The following PHEX variants were observed in gnomAD, a reference collection of about 807,000 sequenced individuals.
PHEX encodes the protein phosphate regulating endopeptidase X-linked, also known as phosphate-regulating neutral endopeptidase PHEX.
PHEX carries 16 observed loss-of-function variants against 68.0 expected under a neutral mutation model. The observed-to-expected ratio is 0.24, with a 90% CI of 0.16 to 0.36. The LOEUF is 0.36. PHEX is among the 10% of genes least tolerant of loss of function. The pLI, the probability that PHEX is intolerant of heterozygous loss-of-function variation, is 1.00. For missense variants in PHEX, 480 were observed against 575.5 expected, an observed-to-expected ratio of 0.83 and a Z score of 1.70; for synonymous variants, 208 against 205.1, an observed-to-expected ratio of 1.01 and a Z score of -0.12.
rs139556203 is a variant in PHEX at position 22,216,668 on chromosome X, C to T, written c.1701-2368C>T. 7.7e-3 allele frequency among the ~76,000 whole-genome samples: 809 copies of T among 105,712 alleles called. 2 individuals carry two copies. The highest frequency in any genetic ancestry group is 0.013 in the Non-Finnish European group (672 of 51,728). The allele number at this position is 105,712 out of a possible 115,157, so 91.8% of individuals were successfully genotyped here. On this transcript the variant is annotated intron_variant, in intron 16 of 21. Coordinates refer to ENST00000379374, the MANE Select transcript of PHEX (RefSeq NM_000444.6). Reference sequence around the variant, plus strand: ...CCAAGTAGCTGGGATTACAGGCATGCGCCACCATGCCTGGCTAATTTTGTA... The same window carrying T: ...CCAAGTAGCTGGGATTACAGGCATGTGCCACCATGCCTGGCTAATTTTGTA...
chrX:22,074,941 G>A (rs1273444063), intron 3 of PHEX, among the ~76,000 whole-genome samples: 1 of 109,845 alleles, frequency 9.1e-6, no homozygotes, highest in African/African-American at 3.3e-5. Flanking sequence ...GCCGAGTGTG[G>A]TGGTGTGCAC....
intron 2 of PHEX, among the ~76,000 whole-genome samples, chrX:22,042,464 T>A (rs185035565): frequency 3.7e-4 from 41 of 112,121 alleles, no homozygotes; most frequent in South Asian, 7.4e-4. Flanking sequence ...TAACAGGTTT[T>A]ACTTATACTA....
chrX:22,081,333 A>G (rs377358245), intron 5 of PHEX, among the ~76,000 whole-genome samples: 6 of 111,068 alleles, frequency 5.4e-5, no homozygotes, highest in African/African-American at 2.0e-4. Flanking sequence ...TCCTTCTCAG[A>G]TCCTGCCATG....
chrX:22,113,954 T>C, intron 10 of PHEX, among the ~76,000 whole-genome samples: 1 of 96,678 alleles, frequency 1.0e-5, no homozygotes, highest in African/African-American at 3.8e-5. Flanking sequence ...TTTTTTTTTT[T>C]TTTTTTTTTT....
At chrX:22,200,516 C>T (rs767508659) in intron 15 of PHEX, among the ~76,000 whole-genome samples, 26 of 110,731 alleles carry the variant, frequency 2.3e-4, no homozygotes, top group Non-Finnish European at 4.2e-4. Flanking sequence ...GGCTGAGGCA[C>T]GAGAATCACT....
intron 12 of PHEX, among the ~76,000 whole-genome samples, chrX:22,138,419 G>T (rs907049079): frequency 8.9e-6 from 1 of 112,638 alleles, no homozygotes; most frequent in South Asian, 3.7e-4. Context: ...GGCCATGGAT[G>T]CAGGGCAGAC....
chrX:22,246,349 TC>T (rs1936392099), intron 21 of PHEX, among the ~76,000 whole-genome samples: 1 of 111,848 alleles, frequency 8.9e-6, no homozygotes, highest in African/African-American at 3.2e-5. Context: ...TTTAAACAGA[TC>T]CATTAGCATA....
intron 12 of PHEX, among the ~76,000 whole-genome samples, chrX:22,145,421 G>C (rs1255969322): frequency 9.0e-6 from 1 of 111,515 alleles, no homozygotes; most frequent in African/African-American, 3.3e-5. Flanking sequence ...GACCAGACCA[G>C]CCTGGCCGAC....
intron 15 of PHEX, among the ~76,000 whole-genome samples, chrX:22,206,049 T>C (rs968344): frequency 0.15 from 16,792 of 111,624 alleles, 1,566 homozygotes; most frequent in African/African-American, 0.35. Context: ...CTTGTTAATA[T>C]CTGTATTGTG....
rs746436151 is a variant in PHEX, at chrX:22,096,965, C to T, written c.860C>T (p.Pro287Leu). ...LEIKIAEIMI[P>L]HENRTSEAMY... The stretch of plus-strand genomic sequence containing the variant: ...ATCTCTTTTCAACAGATAATGATTC[C>T]ACATGAAAACCGAACCAGCGAGGCC... Residue 287 changes from proline (P) to leucine (L), a missense_variant, in exon 8 of 22, where the codon CCA (proline) becomes CTA (leucine). By Grantham distance (98) the Pro-to-Leu change is moderately conservative. Coordinates refer to ENST00000379374, the MANE Select transcript of PHEX (RefSeq NM_000444.6). The T allele has an allele frequency of 2.0e-5, 24 of 1,194,667 alleles. No individual in the cohort carries two copies. The highest frequency in any genetic ancestry group is 2.7e-5 in the Non-Finnish European group (24 of 881,783).
chrX:22,098,967 C>A (rs371953854), intron 8 of PHEX, 39 bp from the exon 9 acceptor site: 1 of 1,188,205 alleles, frequency 8.4e-7, no homozygotes, highest in East Asian at 3.0e-5. Flanking sequence ...GCTACCTAAC[C>A]GAGATTCTCT....
chrX:22,046,639 C>G (rs1927544793), intron 2 of PHEX, among the ~76,000 whole-genome samples: 1 of 105,027 alleles, frequency 9.5e-6, no homozygotes, highest in South Asian at 4.5e-4. Context: ...GCGATCTCAG[C>G]TCACTGCAAC....
At chrX:22,195,455 C>G (rs936563572) in intron 15 of PHEX, among the ~76,000 whole-genome samples, 13 of 109,981 alleles carry the variant, frequency 1.2e-4, no homozygotes, top group Non-Finnish European at 1.9e-5. Context: ...ATTAGCCAGG[C>G]TTGGTGGCAG....
chrX:22,199,286 CAG>C (rs1472217530), intron 15 of PHEX, among the ~76,000 whole-genome samples: 3 of 111,216 alleles, frequency 2.7e-5, no homozygotes, highest in East Asian at 5.6e-4. Flanking sequence ...TAGGCAATGA[CAG>C]GGGTGAGGAG....
chrX:22,033,144 C>T (rs768927791), intron 1 of PHEX, 21 bp downstream of exon 1: 10 of 1,063,398 alleles, frequency 9.4e-6, no homozygotes, highest in Admixed American at 8.8e-5. Context: ...TGCAGGAGGC[C>T]GGGGGAACTG....
At chrX:22,054,050 A>G (rs1484143573) in intron 3 of PHEX, among the ~76,000 whole-genome samples, 3 of 112,497 alleles carry the variant, frequency 2.7e-5, no homozygotes, top group Non-Finnish European at 5.6e-5. Flanking sequence ...AGTTCAGATT[A>G]TTGAAAACAG....
chrX:22,203,110 G>T lies in PHEX; in HGVS notation c.1646-9794G>T, dbSNP rs1315056432. The stretch of plus-strand genomic sequence containing the variant: ...GACTAACTTCTCCTGGTTTGCCTGG[G>T]ACCATCCCAGTTTTAGCACAGAAAG... On this transcript the variant is annotated intron_variant, in intron 15 of 21. Coordinates refer to ENST00000379374, the MANE Select transcript of PHEX (RefSeq NM_000444.6). 4.5e-5 allele frequency among the ~76,000 whole-genome samples: 5 copies of T among 111,344 alleles called. No homozygotes were observed. In the East Asian group the frequency reaches 1.4e-3, roughly 31 times the overall value.
rs756324748 is a variant in PHEX at position 22,166,089 on chromosome X, CCTAT to C, written c.1405-2220_1405-2217del. ...AAGTTTGTTTTTCCTTTATTTATTC[CCTAT>C]CTGTTATAAAACACAGAGGATAATT... On this transcript the variant is annotated intron_variant, in intron 12 of 21. Coordinates refer to ENST00000379374, the MANE Select transcript of PHEX (RefSeq NM_000444.6). 3.0e-3 allele frequency among the ~76,000 whole-genome samples: 340 copies of C among 111,689 alleles called. 1 individual carries two copies. The highest frequency in any genetic ancestry group is 5.6e-3 in the Admixed American group (59 of 10,517).
intron 3 of PHEX, among the ~76,000 whole-genome samples, chrX:22,056,909 G>A (rs893011924): frequency 1.8e-5 from 2 of 109,896 alleles, no homozygotes; most frequent in Non-Finnish European, 3.8e-5. Flanking sequence ...CATGGTAGCC[G>A]CTAGCCACTG....
Sources: gnomAD v4.1 joint callset for allele counts (sites outside exome capture counted in the v4.1 genomes callset) on GRCh38, gnomAD v4.1.1 for gene constraint, MANE v1.5 for transcripts, NCBI Gene and HGNC (gene_info 2026-07-23, HGNC 2026-07-21) for gene names.